Variants in RIPOR2 observed in about 807,000 individuals in gnomAD.
The protein encoded by RIPOR2 is rho family-interacting cell polarization regulator 2.
In RIPOR2, 39 loss-of-function variants were observed where a neutral mutation model predicts 114.5. The ratio of observed to expected loss-of-function variants is 0.34; its 90% CI spans 0.26 to 0.44. RIPOR2 has a LOEUF of 0.44. RIPOR2 is among the 20% of genes least tolerant of loss of function. RIPOR2 has a pLI of 1.00. For synonymous variants in RIPOR2, 445 were observed against 484.4 expected (o/e 0.92, Z 1.07); for missense variants, 1,007 against 1,255.1 (o/e 0.80, Z 2.99).
chr6:25,006,119 T>C (rs1344842661), intron 1 of RIPOR2, among the ~76,000 whole-genome samples: 1 of 152,186 alleles, frequency 6.6e-6, no homozygotes, highest in Non-Finnish European at 1.5e-5. Flanking sequence ...TAGAATACTC[T>C]CTAATCCCTC....
Position 24,850,671 on chromosome 6 carries a change from C to A in RIPOR2, c.811G>T (p.Val271Leu). 1 of 1,613,932 alleles carries A rather than the reference C, an allele frequency of 6.2e-7. No individual in the cohort carries two copies. Among genetic ancestry groups the A allele is most frequent in the Non-Finnish European group, 8.5e-7 (1 of 1,179,868 alleles). ...QRWKLKGKIE[V>L]NGKQSWDGEE... The stretch of plus-strand genomic sequence containing the variant: ...CCATCCCAGCTCTGCTTGCCATTTA[C>A]TTCTATTTTGCCTTTCAGTTTCCAC... The change falls in exon 10 of 22, where the codon GTA (valine) becomes TTA (leucine). Residue 271 changes from valine (V) to leucine (L), a missense_variant. Transcript: ENST00000643898.
chr6:24,894,247 C>T, intron 1 of RIPOR2, among the ~76,000 whole-genome samples: 1 of 152,220 alleles, frequency 6.6e-6, no homozygotes, highest in Non-Finnish European at 1.5e-5. Context: ...TGCTTTGGCA[C>T]CTACTCTACA....
chr6:24,922,431 C>T (rs1173471100), intron 1 of RIPOR2, among the ~76,000 whole-genome samples: 1 of 152,214 alleles, frequency 6.6e-6, no homozygotes, highest in African/African-American at 2.4e-5. Flanking sequence ...CCACTTCTAT[C>T]TTTTGTGGAA....
intron 1 of RIPOR2, among the ~76,000 whole-genome samples, chr6:24,975,369 TA>T (rs1331027066): frequency 6.6e-6 from 1 of 151,986 alleles, no homozygotes; most frequent in Non-Finnish European, 1.5e-5. Flanking sequence ...TACAGCACGG[TA>T]AAAAACTAGG....
chr6:24,964,565 C>T (rs916796408), intron 1 of RIPOR2, among the ~76,000 whole-genome samples: 18 of 152,146 alleles, frequency 1.2e-4, no homozygotes, highest in African/African-American at 4.3e-4. Flanking sequence ...TGGTTGTTTC[C>T]ATTTCTTGAC....
In RIPOR2 at chr6:24,818,630, AAG is replaced by A. The variant is rs1759388934; in HGVS notation, c.2869-7_2869-6del. On this transcript the variant is annotated splice_region_variant and splice_polypyrimidine_tract_variant and intron_variant, in intron 19 of 21. Coordinates refer to ENST00000643898, the MANE Select transcript of RIPOR2 (RefSeq NM_001286445.3). ...TTCACAGTAATAGAGCAAGGCCTGA[AAG>A]AGAAGGAGGGACCTCATGAAGGCAT... 2 of 1,541,296 alleles carry A rather than the reference AAG, an allele frequency of 1.3e-6. No individual in the cohort carries two copies. Among genetic ancestry groups the A allele is most frequent in the Non-Finnish European group, 8.8e-7 (1 of 1,139,972 alleles).
chr6:25,033,364 A>T (rs185535978), intron 1 of RIPOR2, among the ~76,000 whole-genome samples: 1 of 152,302 alleles, frequency 6.6e-6, no homozygotes, highest in East Asian at 1.9e-4. Flanking sequence ...GCAGCTCCCC[A>T]GTCCTTTTGA....
Position 24,828,230 on chromosome 6 carries a change from A to T in RIPOR2, c.2572T>A (p.Ser858Thr). Residue 858 changes from serine (S) to threonine (T), a missense_variant, in exon 18 of 22, where the codon TCG becomes ACG. Transcript: ENST00000643898. ...AEPLLSSSLSSEVVTVFQYYS... is the reference protein window; with the variant it reads ...AEPLLSSSLSTEVVTVFQYYS... The stretch of plus-strand genomic sequence containing the variant: ...TACTGGAAAACAGTGACGACTTCCG[A>T]GGACAGGCTGGAGGAAAGCAGAGGC... 1.3e-6 allele frequency: 2 copies of T among 1,551,474 alleles called. No homozygotes were observed. The highest frequency in any genetic ancestry group is 2.7e-5 in the African/African-American group (2 of 73,148).
At chr6:24,850,092 T>A in intron 10 of RIPOR2, 142 bp from the exon 11 acceptor site, 1 of 626,834 alleles carries the variant, frequency 1.6e-6, no homozygotes, top group Non-Finnish European at 2.5e-6. Flanking sequence ...TTCATTTTTC[T>A]TTTTCTTTTT....
chr6:24,928,473 G>A (rs1267699493), intron 1 of RIPOR2, among the ~76,000 whole-genome samples: 3 of 152,124 alleles, frequency 2.0e-5, no homozygotes, highest in African/African-American at 7.2e-5. Flanking sequence ...TATACTCAAA[G>A]GCTCAGCCAG....
chr6:24,914,038 G>T (rs2114081723), intron 1 of RIPOR2, among the ~76,000 whole-genome samples: 1 of 152,104 alleles, frequency 6.6e-6, no homozygotes, highest in Non-Finnish European at 1.5e-5. Context: ...ATTTTAAATT[G>T]AATACACCCC....
At chr6:24,934,910 G>A (rs1324406504) in intron 1 of RIPOR2, among the ~76,000 whole-genome samples, 1 of 152,158 alleles carries the variant, frequency 6.6e-6, no homozygotes, top group African/African-American at 2.4e-5. Context: ...GTGCCAATGG[G>A]GATTGGAAGC....
At chr6:24,841,345 G>T (rs1761696045) in intron 13 of RIPOR2, among the ~76,000 whole-genome samples, 1 of 152,084 alleles carries the variant, frequency 6.6e-6, no homozygotes, top group Non-Finnish European at 1.5e-5. Flanking sequence ...GCATATACAA[G>T]CCCTGAGCTG....
At chr6:25,005,012 C>T (rs1346048759) in intron 1 of RIPOR2, among the ~76,000 whole-genome samples, 2 of 150,442 alleles carry the variant, frequency 1.3e-5, no homozygotes, top group East Asian at 3.9e-4. Flanking sequence ...CACACACACA[C>T]ACACACACAC....
chr6:24,996,669 G>C (rs997438942), intron 1 of RIPOR2, among the ~76,000 whole-genome samples: 2 of 152,166 alleles, frequency 1.3e-5, no homozygotes, highest in Non-Finnish European at 2.9e-5. Flanking sequence ...CAACACCCAG[G>C]TGAGAGGCTT....
chr6:24,818,248 C>G (rs1759344091), intron 20 of RIPOR2, among the ~76,000 whole-genome samples: 1 of 152,114 alleles, frequency 6.6e-6, no homozygotes, highest in Non-Finnish European at 1.5e-5. Context: ...CAGGCATGAG[C>G]CACTGTGCCG....
Position 24,837,738 on chromosome 6 carries a change from C to A in RIPOR2, c.2039+1353G>T, listed in dbSNP as rs528671849. Among the ~76,000 whole-genome samples the A allele has an allele frequency of 2.6e-5, 4 of 152,106 alleles. No individual in the cohort carries two copies. In the East Asian group the frequency reaches 7.7e-4, roughly 29 times the overall value. ...TGTAGGATAATTTAAACATTACATT[C>A]ATTTAATAAATTTTCTTTGCCATGT... On this transcript the variant is annotated intron_variant, in intron 14 of 21. Transcript: ENST00000643898.
intron 1 of RIPOR2, among the ~76,000 whole-genome samples, chr6:24,975,369 T>TA (rs1331027066): frequency 3.9e-5 from 6 of 152,104 alleles, no homozygotes; most frequent in African/African-American, 1.4e-4. Flanking sequence ...TACAGCACGG[T>TA]AAAAAACTAG....
chr6:24,966,301 G>T (rs1401446325), intron 1 of RIPOR2, among the ~76,000 whole-genome samples: 1 of 152,022 alleles, frequency 6.6e-6, no homozygotes, highest in African/African-American at 2.4e-5. Context: ...ATCTCATAAA[G>T]CTTCTTAGAT....
Sources: gnomAD v4.1 joint callset for allele counts (sites outside exome capture counted in the v4.1 genomes callset) on GRCh38, gnomAD v4.1.1 for gene constraint, MANE v1.5 for transcripts, NCBI Gene and HGNC (gene_info 2026-07-23, HGNC 2026-07-21) for gene names.